The following LNP1 variants were observed in gnomAD, a reference collection of about 807,000 sequenced individuals.
The protein encoded by LNP1 is leukemia NUP98 fusion partner 1.
A neutral mutation model predicts 14.5 loss-of-function variants in LNP1; 12 were observed. The observed-to-expected ratio is 0.83, with a 90% confidence interval of 0.53 to 1.34. The LOEUF (loss-of-function observed/expected upper bound fraction) is 1.34. LNP1 is among the 40% of genes most tolerant of loss of function. The probability of loss-of-function intolerance (pLI) is 0.00; values close to 1 mark genes in which losing one functional copy is unlikely to be tolerated. For missense variants in LNP1, 198 were observed against 210.9 expected, an observed-to-expected ratio of 0.94 and a Z score of 0.38; for synonymous variants, 75 against 71.4, an observed-to-expected ratio of 1.05 and a Z score of -0.26.
intron 1 of LNP1, among the ~76,000 whole-genome samples, chr3:100,407,807 C>T (rs980157493): frequency 6.6e-6 from 1 of 152,148 alleles, no homozygotes; most frequent in Admixed American, 6.5e-5. Context: ...TTCTTCTCCT[C>T]TGTATATTTT....
At chr3:100,425,759 A>C (rs1707186100) in intron 1 of LNP1, among the ~76,000 whole-genome samples, 1 of 152,226 alleles carries the variant, frequency 6.6e-6, no homozygotes, top group Non-Finnish European at 1.5e-5. Context: ...ATCATGTTCC[A>C]GAATGGGCTA....
intron 1 of LNP1, among the ~76,000 whole-genome samples, chr3:100,412,819 C>G (rs537539388): frequency 1.3e-5 from 2 of 152,298 alleles, no homozygotes; most frequent in African/African-American, 4.8e-5. Flanking sequence ...CCCTGAAGGG[C>G]AGGGAGCATG....
At chr3:100,402,962 G>A (rs560593913) in intron 1 of LNP1, among the ~76,000 whole-genome samples, 1 of 152,224 alleles carries the variant, frequency 6.6e-6, no homozygotes, top group Admixed American at 6.5e-5. Flanking sequence ...TATTTTTAAG[G>A]TTGGCATTAG....
At position 100,414,953 on chromosome 3, in the gene LNP1, A is replaced by G. The variant is rs562173197; in HGVS notation, c.-34+12514A>G. 2.6e-5 allele frequency among the ~76,000 whole-genome samples: 4 copies of G among 152,350 alleles called. No individual in the cohort carries two copies. In the South Asian group the frequency reaches 6.2e-4, roughly 24 times the overall value. On this transcript the variant is annotated intron_variant, in intron 1 of 3. Transcript: ENST00000383693. ...GCTGCTAAGTTTGTGATAATTTGAA[A>G]TACAACCAAAGAAAACTAATAAAGA...
intron 2 of LNP1, 96 bp downstream of exon 2, chr3:100,429,981 C>A (rs1415467597): frequency 2.2e-6 from 3 of 1,339,198 alleles, no homozygotes; most frequent in Non-Finnish European, 3.0e-6. Context: ...ATAAAGTTTT[C>A]TTTGGTTTAA....
chr3:100,443,500 A>G (rs1707362667), intron 2 of LNP1, among the ~76,000 whole-genome samples: 1 of 152,060 alleles, frequency 6.6e-6, no homozygotes, highest in Non-Finnish European at 1.5e-5. Context: ...GGAATCTCAG[A>G]TAAGACTTTT....
At chr3:100,426,291 T>G (rs1386572582) in intron 1 of LNP1, among the ~76,000 whole-genome samples, 1 of 152,214 alleles carries the variant, frequency 6.6e-6, no homozygotes, top group Non-Finnish European at 1.5e-5. Flanking sequence ...TTATGTTCCT[T>G]GAGCCTACGC....
chr3:100,450,067 C>T (rs1015366636), intron 2 of LNP1, among the ~76,000 whole-genome samples: 9 of 144,682 alleles, frequency 6.2e-5, no homozygotes, highest in Non-Finnish European at 9.0e-5. Context: ...TTTTGCTGGT[C>T]GTTTTTCTCC....
chr3:100,417,546 T>G lies in LNP1; in HGVS notation c.-33-12151T>G, dbSNP rs551078511. Among the ~76,000 whole-genome samples the G allele has an allele frequency of 4.0e-5, 6 of 151,710 alleles. No individual in the cohort carries two copies. The South Asian group carries it at 8.3e-4, about 21-fold the overall frequency. ...CCACGCCACCATGCCCTGCTAATTT[T>G]TTTTGTATTTTTAGTAGAGATGAGG... On this transcript the variant is annotated intron_variant, in intron 1 of 3. Coordinates refer to ENST00000383693, the MANE Select transcript of LNP1 (RefSeq NM_001085451.2).
At chr3:100,455,362 T>C (rs1707500615) in intron 3 of LNP1, among the ~76,000 whole-genome samples, 1 of 152,214 alleles carries the variant, frequency 6.6e-6, no homozygotes. Context: ...CACATTAAAA[T>C]TTAGTGCAAA....
At chr3:100,417,429 T>A (rs1371317424) in intron 1 of LNP1, among the ~76,000 whole-genome samples, 1 of 139,688 alleles carries the variant, frequency 7.2e-6, no homozygotes, top group African/African-American at 2.7e-5. Flanking sequence ...CAGACTGTAG[T>A]GCACTGGTGC....
chr3:100,452,971 A>G (rs929888680), intron 3 of LNP1, among the ~76,000 whole-genome samples: 1 of 152,200 alleles, frequency 6.6e-6, no homozygotes, highest in Non-Finnish European at 1.5e-5. Context: ...AAACAGGAAT[A>G]ATAATGGGTC....
Position 100,456,093 on chromosome 3 carries a change from T to G in LNP1, c.*167T>G. The G allele has an allele frequency of 1.6e-6, 1 of 611,778 alleles. No homozygotes were observed. Among genetic ancestry groups the G allele is most frequent in the Non-Finnish European group, 2.8e-6 (1 of 354,592 alleles). The allele number at this position is 611,778 out of a possible 1,614,324, so 37.9% of individuals were successfully genotyped here. ...TGCAGTGGGCAGGGTATGTAGCTGC[T>G]CCAAGATGACTTGCATCATACCCCA... On this transcript the variant is annotated 3_prime_UTR_variant, in exon 4 of 4. Transcript: ENST00000383693.
chr3:100,423,447 C>A (rs1380465597), intron 1 of LNP1, among the ~76,000 whole-genome samples: 2 of 151,990 alleles, frequency 1.3e-5, no homozygotes, highest in Non-Finnish European at 2.9e-5. Context: ...TGCTTGAGTC[C>A]AGGAGTTCGA....
chr3:100,441,428 G>C (rs1020040501), intron 2 of LNP1, among the ~76,000 whole-genome samples: 2 of 152,152 alleles, frequency 1.3e-5, no homozygotes, highest in Non-Finnish European at 2.9e-5. Context: ...TGTCTAAACT[G>C]TCTGTCCTTT....
intron 1 of LNP1, among the ~76,000 whole-genome samples, chr3:100,408,892 A>G (rs1353692333): frequency 2.6e-5 from 4 of 152,178 alleles, no homozygotes; most frequent in Admixed American, 2.0e-4. Context: ...TTATTATGCT[A>G]TAACCAGGTG....
In LNP1 at chr3:100,450,089, CT is replaced by C. The variant is rs57762414; in HGVS notation, c.157-1612del. Among the ~76,000 whole-genome samples the C allele has an allele frequency of 2.7e-3, 365 of 135,184 alleles. 2 individuals are homozygous for C. Among genetic ancestry groups the C allele is most frequent in the Non-Finnish European group, 3.6e-3 (229 of 63,304 alleles). The allele number at this position is 135,184 out of a possible 152,430, so 88.7% of individuals were successfully genotyped here. On this transcript the variant is annotated intron_variant, in intron 2 of 3. Transcript: ENST00000383693. The stretch of plus-strand genomic sequence containing the variant: ...GGTCGTTTTTCTCCACACCATACCA[CT>C]TTTTTTTTTTTTTTTTTGGTGGGAA...
intron 1 of LNP1, among the ~76,000 whole-genome samples, chr3:100,403,569 A>G (rs578004108): frequency 2.6e-4 from 39 of 152,104 alleles, no homozygotes; most frequent in Middle Eastern, 3.4e-3. Flanking sequence ...GCTTCAAGCA[A>G]TTCTCCTCCC....
chr3:100,405,373 A>T (rs1706955947), intron 1 of LNP1, among the ~76,000 whole-genome samples: 1 of 152,236 alleles, frequency 6.6e-6, no homozygotes, highest in Admixed American at 6.5e-5. Context: ...CACATAACAG[A>T]TACTCAATAA....
Sources: gnomAD v4.1 joint callset for allele counts (sites outside exome capture counted in the v4.1 genomes callset) on GRCh38, gnomAD v4.1.1 for gene constraint, MANE v1.5 for transcripts, NCBI Gene and HGNC (gene_info 2026-07-23, HGNC 2026-07-21) for gene names.